The following GALNT7 variants were observed in gnomAD, a reference collection of about 807,000 sequenced individuals.
GALNT7 encodes polypeptide N-acetylgalactosaminyltransferase 7.
A neutral mutation model predicts 82.1 loss-of-function variants in GALNT7; 60 were observed. That is an observed-to-expected ratio of 0.73 (90% CI 0.59 to 0.91). GALNT7 has a LOEUF of 0.91. Among genes scored for constraint, GALNT7 ranks in the 40% least tolerant of loss-of-function variants. GALNT7 has a pLI of 0.00. For synonymous variants in GALNT7, 243 were observed against 275.1 expected (o/e 0.88, Z 1.15); for missense variants, 660 against 804.2 (o/e 0.82, Z 2.17).
At chr4:173,268,662 C>A (rs1447609164) in intron 2 of GALNT7, among the ~76,000 whole-genome samples, 2 of 147,108 alleles carry the variant, frequency 1.4e-5, no homozygotes, top group African/African-American at 5.0e-5. Flanking sequence ...TCCCGAGTAG[C>A]TGGGACTACA....
chr4:173,250,011 G>T (rs532704826), intron 2 of GALNT7, among the ~76,000 whole-genome samples: 1 of 152,278 alleles, frequency 6.6e-6, no homozygotes, highest in East Asian at 1.9e-4. Flanking sequence ...ACTTTCTGCT[G>T]CAGGCTGGGA....
chr4:173,266,112 T>C (rs1735480365), intron 2 of GALNT7, among the ~76,000 whole-genome samples: 1 of 152,102 alleles, frequency 6.6e-6, no homozygotes, highest in South Asian at 2.1e-4. Flanking sequence ...ACAAAAAAAT[T>C]AGCTGGGCCT....
intron 1 of GALNT7, among the ~76,000 whole-genome samples, chr4:173,208,658 C>T (rs2126666603): frequency 6.6e-6 from 1 of 152,332 alleles, no homozygotes; most frequent in South Asian, 2.1e-4. Flanking sequence ...AGCTGGCTCT[C>T]ATCTGCTTCC....
intron 2 of GALNT7, among the ~76,000 whole-genome samples, chr4:173,261,580 G>A (rs1387156683): frequency 6.6e-6 from 1 of 152,132 alleles, no homozygotes; most frequent in African/African-American, 2.4e-5. Flanking sequence ...ACTTTGGGAG[G>A]CCAAGGCGGG....
chr4:173,269,830 G>A (rs186778622), intron 2 of GALNT7, among the ~76,000 whole-genome samples: 37 of 152,166 alleles, frequency 2.4e-4, no homozygotes, highest in African/African-American at 8.9e-4. Flanking sequence ...AACAAACTCC[G>A]ATAGACCACG....
At chr4:173,276,855 C>A (rs1163541374) in intron 2 of GALNT7, among the ~76,000 whole-genome samples, 1 of 152,024 alleles carries the variant, frequency 6.6e-6, no homozygotes, top group Non-Finnish European at 1.5e-5. Flanking sequence ...TATGTATCAG[C>A]TTCTTGTTTG....
In GALNT7 at chr4:173,213,513, T is replaced by G. The variant is rs1217547459; in HGVS notation, c.127-34467T>G. Among the ~76,000 whole-genome samples the G allele has an allele frequency of 1.1e-4, 16 of 152,246 alleles. 1 individual carries two copies. The highest frequency in any genetic ancestry group is 9.8e-4 in the Admixed American group (15 of 15,300). ...CTGGTTAGGCAATGAGACAGTAGTGTTTAATACAATTGAGCTGTGGTGTAT... is the reference window on the plus strand; with the variant it reads ...CTGGTTAGGCAATGAGACAGTAGTGGTTAATACAATTGAGCTGTGGTGTAT... On this transcript the variant is annotated intron_variant, in intron 1 of 11. Transcript: ENST00000265000.
At chr4:173,177,225 G>C (rs1277724914) in intron 1 of GALNT7, among the ~76,000 whole-genome samples, 1 of 152,134 alleles carries the variant, frequency 6.6e-6, no homozygotes, top group South Asian at 2.1e-4. Flanking sequence ...CTAGTTCCCC[G>C]GGGATGCTGA....
At chr4:173,174,602 T>C (rs917167946) in intron 1 of GALNT7, among the ~76,000 whole-genome samples, 2 of 152,202 alleles carry the variant, frequency 1.3e-5, no homozygotes, top group Non-Finnish European at 2.9e-5. Flanking sequence ...TGTTACCACC[T>C]GCTTGCCCCT....
intron 1 of GALNT7, among the ~76,000 whole-genome samples, chr4:173,245,856 C>A (rs1428086373): frequency 1.3e-5 from 2 of 151,956 alleles, no homozygotes; most frequent in Non-Finnish European, 2.9e-5. Context: ...ATATGATTTC[C>A]AAAAAAACAG....
Position 173,225,042 on chromosome 4 carries a change from TAA to T in GALNT7, c.127-22937_127-22936del, listed in dbSNP as rs1561161757. Among the ~76,000 whole-genome samples, 47 of 148,656 alleles carry T rather than the reference TAA, an allele frequency of 3.2e-4. No individual in the cohort carries two copies. The South Asian group carries it at 3.2e-3, about 10-fold the overall frequency. ...AAAATAATAATAATAATAATAATAA[TAA>T]TAATAATTATAATTATATCTGTGCC... On this transcript the variant is annotated intron_variant, in intron 1 of 11. Coordinates refer to ENST00000265000, the MANE Select transcript of GALNT7 (RefSeq NM_017423.3).
intron 2 of GALNT7, among the ~76,000 whole-genome samples, chr4:173,285,020 A>G (rs1243803360): frequency 6.6e-6 from 1 of 152,210 alleles, no homozygotes; most frequent in Non-Finnish European, 1.5e-5. Flanking sequence ...AAAATATATA[A>G]TACCCTTTTG....
At chr4:173,191,690 A>G (rs1460022483) in intron 1 of GALNT7, among the ~76,000 whole-genome samples, 6 of 152,206 alleles carry the variant, frequency 3.9e-5, no homozygotes, top group Non-Finnish European at 8.8e-5. Context: ...AGTGTCTTGC[A>G]CATATACCAA....
rs555953992 is a variant in GALNT7, at chr4:173,295,468, G to C, written c.827G>C (p.Arg276Thr). 1.2e-6 allele frequency: 2 copies of C among 1,612,516 alleles called. No individual in the cohort carries two copies. Among genetic ancestry groups the C allele is most frequent in the Non-Finnish European group, 1.7e-6 (2 of 1,178,580 alleles). Residue 276 changes from arginine (R) to threonine (T), a missense_variant, in exon 4 of 12, where the codon AGA (arginine) becomes ACA (threonine). Physicochemically the swap from Arg to Thr is moderately conservative, Grantham distance 71. Transcript: ENST00000265000. ...CTAGTGAAGGTATTTCGAAATGAAA[G>C]AAGGGAAGGTTTAATTCAAGCACGA... ...NGLVKVFRNE[R>T]REGLIQARSI...
chr4:173,266,868 G>GGGGTGT (rs1198187336), intron 2 of GALNT7, among the ~76,000 whole-genome samples: 34 of 95,126 alleles, frequency 3.6e-4, no homozygotes, highest in Admixed American at 5.6e-4. Flanking sequence ...GGCTGGGAAG[G>GGGGTGT]GTGTGTGTGT....
At chr4:173,258,364 A>G (rs942822906) in intron 2 of GALNT7, among the ~76,000 whole-genome samples, 2 of 152,224 alleles carry the variant, frequency 1.3e-5, no homozygotes, top group Non-Finnish European at 2.9e-5. Flanking sequence ...GAAAGGGTTC[A>G]GCCCTAGTGT....
chr4:173,303,318 A>G (rs1737024930), intron 7 of GALNT7, among the ~76,000 whole-genome samples: 1 of 152,318 alleles, frequency 6.6e-6, no homozygotes, highest in Admixed American at 6.5e-5. Context: ...AGCAAGTAGC[A>G]TGGGGAAAAG....
chr4:173,312,025 A>G (rs567310221), intron 8 of GALNT7, among the ~76,000 whole-genome samples: 2 of 152,354 alleles, frequency 1.3e-5, no homozygotes, highest in South Asian at 2.1e-4. Context: ...ATTAGAAGAT[A>G]GCCACACTCA....
chr4:173,249,835 T>C (rs1734788765), intron 2 of GALNT7, among the ~76,000 whole-genome samples: 1 of 152,174 alleles, frequency 6.6e-6, no homozygotes, highest in East Asian at 1.9e-4. Flanking sequence ...ACAGCTGCCA[T>C]GTGAGGACCC....
Sources: allele counts gnomAD v4.1 joint callset (sites outside exome capture counted in the v4.1 genomes callset), GRCh38; gene constraint gnomAD v4.1.1; transcripts MANE v1.5; gene names NCBI Gene and HGNC (gene_info 2026-07-23, HGNC 2026-07-21).